SLC5A11: variants seen among roughly 807,000 people sequenced by gnomAD.
SLC5A11 encodes the protein sodium/myo-inositol cotransporter 2.
Under a neutral mutation model 69.8 loss-of-function variants are expected in SLC5A11, and 48 were observed. The observed-to-expected ratio is 0.69, with a 90% CI of 0.55 to 0.87. The LOEUF is 0.87. SLC5A11 is among the 40% of genes least tolerant of loss of function. SLC5A11 has a pLI of 0.00. For missense variants in SLC5A11, 784 were observed against 866.1 expected (o/e 0.91, Z 1.19); for synonymous variants, 319 against 342.4 (o/e 0.93, Z 0.75).
chr16:24,897,945 C>T, intron 9 of SLC5A11, 29 bp from the exon 11 acceptor site: 1 of 1,611,098 alleles, frequency 6.2e-7, no homozygotes, highest in Non-Finnish European at 8.5e-7. Context: ...TCAGCATTCC[C>T]AGTTTCCAAC....
intron 8 of SLC5A11, among the ~76,000 whole-genome samples, chr16:24,884,929 G>C (rs1347455764): frequency 2.6e-5 from 4 of 151,922 alleles, no homozygotes. Context: ...TTTTTAAATA[G>C]ATGGGGTTTC....
At chr16:24,887,763 C>A (rs1278116858) in intron 8 of SLC5A11, among the ~76,000 whole-genome samples, 1 of 152,036 alleles carries the variant, frequency 6.6e-6, no homozygotes, top group Non-Finnish European at 1.5e-5. Flanking sequence ...ATTTTCTCAA[C>A]AAAACTCAAG....
intron 1 of SLC5A11, among the ~76,000 whole-genome samples, chr16:24,853,742 C>G (rs1237232022): frequency 1.3e-5 from 2 of 152,230 alleles, no homozygotes; most frequent in Admixed American, 6.5e-5. Flanking sequence ...GCCTCTGATT[C>G]CCACCTGTGA....
At chr16:24,851,721 T>G (rs981326428) in intron 1 of SLC5A11, among the ~76,000 whole-genome samples, 1 of 152,206 alleles carries the variant, frequency 6.6e-6, no homozygotes, top group Non-Finnish European at 1.5e-5. Flanking sequence ...TTTACAAACC[T>G]GTGACGTATG....
exon 2 of SLC5A11, chr16:24,858,712 C>T: frequency 6.2e-7 from 1 of 1,612,028 alleles, no homozygotes; most frequent in Non-Finnish European, 8.5e-7. Flanking sequence ...CCCAGAAGGG[C>T]TTGGAGCCTG....
intron 1 of SLC5A11, among the ~76,000 whole-genome samples, chr16:24,849,572 C>CAAAAAAAAAAAAAAAAAAA (rs1182615959): frequency 7.8e-5 from 3 of 38,480 alleles, no homozygotes; most frequent in Non-Finnish European, 8.8e-5. Flanking sequence ...GCCTTGGGGG[C>CAAAAAAAAAAAAAAAAAAA]AAAAAAAAAA....
rs150461186 is a variant in SLC5A11 at position 24,896,011 on chromosome 16, C to T, written c.871-1963C>T. Among the ~76,000 whole-genome samples, 99 of 151,416 alleles carry T rather than the reference C, an allele frequency of 6.5e-4. 1 individual carries two copies. The highest frequency in any genetic ancestry group is 2.2e-3 in the African/African-American group (89 of 41,198). ...GGGTTCTTTGATGATTTAGTGAGGA[C>T]TCATTTAGTTGTTTATGTGGAAAAA... is the stretch of plus-strand genomic sequence containing the variant. On this transcript the variant is annotated intron_variant, in intron 9 of 15. Transcript: ENST00000347898.
At chr16:24,866,316 G>A (rs1249663694) in intron 3 of SLC5A11, among the ~76,000 whole-genome samples, 1 of 151,400 alleles carries the variant, frequency 6.6e-6, no homozygotes, top group East Asian at 1.9e-4. Flanking sequence ...GATACAAATA[G>A]GGCTGGGCAT....
At chr16:24,856,153 G>A (rs183359607) in intron 1 of SLC5A11, among the ~76,000 whole-genome samples, 2 of 152,190 alleles carry the variant, frequency 1.3e-5, no homozygotes, top group African/African-American at 4.8e-5. Context: ...ATTTGGGAGT[G>A]CTACTGGCAT....
chr16:24,867,453 A>G (rs184183332), intron 3 of SLC5A11, among the ~76,000 whole-genome samples: 4 of 152,280 alleles, frequency 2.6e-5, no homozygotes. Context: ...CTTTTACATT[A>G]AGAAACTAAA....
chr16:24,881,647 G>A (rs773439196), intron 7 of SLC5A11, among the ~76,000 whole-genome samples: 14 of 152,156 alleles, frequency 9.2e-5, no homozygotes, highest in Non-Finnish European at 1.8e-4. Context: ...TCTCAACCAA[G>A]TTTAAATAAC....
At chr16:24,859,924 C>T (rs2059689799) in intron 2 of SLC5A11, among the ~76,000 whole-genome samples, 1 of 152,136 alleles carries the variant, frequency 6.6e-6, no homozygotes, top group Non-Finnish European at 1.5e-5. Flanking sequence ...CCAAGGCAGG[C>T]AGATCACTTG....
intron 5 of SLC5A11, among the ~76,000 whole-genome samples, chr16:24,872,973 A>G (rs1255757569): frequency 1.2e-5 from 1 of 86,160 alleles, no homozygotes; most frequent in African/African-American, 4.7e-5. Context: ...ACCTGTCTCT[A>G]CTAAAAAAAT....
intron 9 of SLC5A11, among the ~76,000 whole-genome samples, chr16:24,896,947 T>C (rs2049217637): frequency 4.3e-5 from 4 of 92,502 alleles, no homozygotes; most frequent in African/African-American, 3.2e-5. Flanking sequence ...CCTTCCTTTT[T>C]TTTTTTTTTT....
chr16:24,885,863 T>C (rs972055598), intron 8 of SLC5A11, among the ~76,000 whole-genome samples: 1 of 151,754 alleles, frequency 6.6e-6, no homozygotes, highest in African/African-American at 2.4e-5. Flanking sequence ...GAGGACAAAC[T>C]GAGGTGAAGG....
chr16:24,909,501 G>A (rs911216364), intron 14 of SLC5A11, among the ~76,000 whole-genome samples: 4 of 151,916 alleles, frequency 2.6e-5, no homozygotes, highest in Non-Finnish European at 4.4e-5. Context: ...TTAGCAGGGC[G>A]TGATGGCTCA....
chr16:24,859,034 C>T (rs1214634758), intron 2 of SLC5A11, among the ~76,000 whole-genome samples: 1 of 152,188 alleles, frequency 6.6e-6, no homozygotes, highest in Non-Finnish European at 1.5e-5. Flanking sequence ...GATGCTGTTA[C>T]AATACCCATT....
chr16:24,869,952 C>T (rs751499749), exon 4 of SLC5A11: 1 of 1,614,054 alleles, frequency 6.2e-7, no homozygotes, highest in East Asian at 2.2e-5. Context: ...TTTCATTGGC[C>T]TGGCAGGGTC....
At chr16:24,877,338 C>T (rs2047741068) in exon 7 of SLC5A11, 1 of 1,613,876 alleles carries the variant, frequency 6.2e-7, no homozygotes, top group Non-Finnish European at 8.5e-7. Context: ...GGCTACTGGC[C>T]ATCACTGCTG....
Sources: allele counts gnomAD v4.1 joint callset (sites outside exome capture counted in the v4.1 genomes callset), GRCh38; gene constraint gnomAD v4.1.1; transcripts MANE v1.5; gene names NCBI Gene and HGNC (gene_info 2026-07-23, HGNC 2026-07-21).